F11: variants seen among roughly 807,000 people sequenced by gnomAD.
F11 encodes coagualtion factor XI.
In F11, 78 loss-of-function variants were observed where a neutral mutation model predicts 76.5. The observed-to-expected ratio is 1.02, with a 90% CI of 0.85 to 1.23. The LOEUF (loss-of-function observed/expected upper bound fraction) is 1.23, where lower values mean the gene tolerates loss of function less well. F11 is among the 50% of genes most tolerant of loss of function. The pLI is 0.00. For synonymous variants in F11, 278 were observed against 276.3 expected (o/e 1.01, Z -0.06); for missense variants, 742 against 771.4 (o/e 0.96, Z 0.45).
At chr4:186,282,800 C>T in intron 10 of F11, 3 of 985,388 alleles carry the variant, frequency 3.0e-6, no homozygotes, top group Non-Finnish European at 3.6e-6. Flanking sequence ...CGTGCTCGTT[C>T]TCACCTCAGT....
rs1740707044 is a variant in F11, at chr4:186,280,369, T to A, written c.1012T>A (p.Ser338Thr). Reference sequence around the variant, plus strand: ...TTTTACCTATACCCCAGCCCAAGCATCCTGCAACGAAGGGAAGTAAGCCAT... The same window carrying A: ...TTTTACCTATACCCCAGCCCAAGCAACCTGCAACGAAGGGAAGTAAGCCAT... Reference protein sequence around the residue: ...QFFTYTPAQASCNEGKGKCYL... With the variant: ...QFFTYTPAQATCNEGKGKCYL... The change falls in exon 9 of 15, where the codon TCC (serine) becomes ACC (threonine). Residue 338 changes from serine to threonine, a missense_variant. Physicochemically the swap from Ser to Thr is moderately conservative, Grantham distance 58. Transcript: ENST00000403665. 6.2e-7 allele frequency: 1 copy of A among 1,614,092 alleles called. No individual in the cohort carries two copies. The highest frequency in any genetic ancestry group is 2.2e-5 in the East Asian group (1 of 44,890).
At chr4:186,272,621 GA>G (rs1278097478) in intron 3 of F11, among the ~76,000 whole-genome samples, 1 of 152,182 alleles carries the variant, frequency 6.6e-6, no homozygotes, top group Non-Finnish European at 1.5e-5. Context: ...TACTATTCCA[GA>G]ACCTAGAGCA....
Position 186,284,073 on chromosome 4 carries a change from C to G in F11, c.1136-19C>G. ...AAGGAAGATGTAGGAAGCTGCTCAT[C>G]ACAATGCTTCTGTTGCAGAGTGTAC... On this transcript the variant is annotated intron_variant, in intron 10 of 14. Coordinates refer to ENST00000403665, the MANE Select transcript of F11 (RefSeq NM_000128.4). 1 of 1,614,196 alleles carries G rather than the reference C, an allele frequency of 6.2e-7. No individual in the cohort carries two copies. Among genetic ancestry groups the G allele is most frequent in the South Asian group, 1.1e-5 (1 of 91,082 alleles).
At chr4:186,287,896 TTTTGTTTTTTTTG>T (rs1741329787) in intron 14 of F11, 73 bp downstream of exon 14, 1 of 1,544,212 alleles carries the variant, frequency 6.5e-7, no homozygotes. Context: ...TTTTTGTTTG[TTTTGTTTTTTTTG>T]TTTGTTTTTT....
In F11 at chr4:186,286,492, G is replaced by T; in HGVS notation, c.1558G>T (p.Gly520Trp). 1 of 1,613,840 alleles carries T rather than the reference G, an allele frequency of 6.2e-7. No individual in the cohort carries two copies. The highest frequency in any genetic ancestry group is 8.5e-7 in the Non-Finnish European group (1 of 1,179,846). The change falls in exon 13 of 15, where the codon GGG becomes TGG. Residue 520 changes from glycine to tryptophan, a missense_variant. Transcript: ENST00000403665. Reference protein sequence around the residue: ...IYTDCWVTGWGYRKLRDKIQN... With the variant: ...IYTDCWVTGWWYRKLRDKIQN... ...CACTGATTGCTGGGTGACTGGATGGGGGTACAGAAAACTAAGAGGTAAAAA... is the reference window on the plus strand; with the variant it reads ...CACTGATTGCTGGGTGACTGGATGGTGGTACAGAAAACTAAGAGGTAAAAA...
chr4:186,275,697 T>C, intron 5 of F11, 90 bp from the exon 6 acceptor site: 1 of 953,098 alleles, frequency 1.0e-6, no homozygotes, highest in Non-Finnish European at 1.6e-6. Flanking sequence ...TCGCAGGTCC[T>C]CTCTCCAAAG....
chr4:186,285,516 C>T, intron 11 of F11, 122 bp from the exon 12 acceptor site: 1 of 1,009,090 alleles, frequency 9.9e-7, no homozygotes, highest in Non-Finnish European at 1.5e-6. Flanking sequence ...TCACTTTTTT[C>T]TACCTAAATG....
At position 186,285,709 on chromosome 4, in the gene F11, C is replaced by G. The variant is rs1741154125; in HGVS notation, c.1376C>G (p.Ser459Cys). 1 of 1,614,056 alleles carries G rather than the reference C, an allele frequency of 6.2e-7. No homozygotes were observed. The highest frequency in any genetic ancestry group is 2.2e-5 in the East Asian group (1 of 44,876). Residue 459 changes from serine to cysteine, a missense_variant, in exon 12 of 15, where the codon TCT (serine) becomes TGT (cysteine). Coordinates refer to ENST00000403665, the MANE Select transcript of F11 (RefSeq NM_000128.4). ...CAATCTGAAATAAAAGAGGACACAT[C>G]TTTCTTTGGGGTTCAAGAAATAATA... Reference protein sequence around the residue: ...LNQSEIKEDTSFFGVQEIIIH... With the variant: ...LNQSEIKEDTCFFGVQEIIIH...
chr4:186,275,923 AT>A (rs1182359466), intron 6 of F11, 27 bp downstream of exon 6: 22 of 1,522,358 alleles, frequency 1.4e-5, no homozygotes, highest in Non-Finnish European at 1.9e-5. Flanking sequence ...TGATGATGTA[AT>A]TCAACCATTA....
intron 3 of F11, among the ~76,000 whole-genome samples, chr4:186,271,983 C>T (rs1413252073): frequency 6.6e-6 from 1 of 152,082 alleles, no homozygotes; most frequent in Non-Finnish European, 1.5e-5. Context: ...TTTCCAGCCT[C>T]TCCTATAGTC....
At chr4:186,282,195 C>T (rs1434432847) in intron 10 of F11, 9 of 1,063,170 alleles carry the variant, frequency 8.5e-6, no homozygotes, top group African/African-American at 1.6e-5. Context: ...TTGCAGACTG[C>T]ATTTTCCCCC....
intron 14 of F11, among the ~76,000 whole-genome samples, 185 bp downstream of exon 14, chr4:186,288,008 C>T (rs546784447): frequency 2.0e-5 from 3 of 151,830 alleles, no homozygotes; most frequent in African/African-American, 7.2e-5. Context: ...AGGTTCACGC[C>T]ATTCTCCTGC....
chr4:186,282,849 A>G, intron 10 of F11: 2 of 984,970 alleles, frequency 2.0e-6, no homozygotes, highest in Non-Finnish European at 2.4e-6. Context: ...TCCTTCTCTC[A>G]TCCTCTCCTC....
chr4:186,286,310 A>G, intron 12 of F11, 105 bp from the exon 13 acceptor site: 8 of 1,116,238 alleles, frequency 7.2e-6, no homozygotes, highest in Non-Finnish European at 9.4e-6. Context: ...AAATGAATAT[A>G]GTAAACAAAG....
At chr4:186,274,418 T>G in intron 5 of F11, 143 bp downstream of exon 5, 2 of 1,023,236 alleles carry the variant, frequency 2.0e-6, no homozygotes, top group Admixed American at 4.1e-5. Flanking sequence ...GTTTTCTTCA[T>G]GAAAAATACA....
intron 13 of F11, 183 bp downstream of exon 13, chr4:186,286,693 G>C: frequency 1.0e-6 from 1 of 985,416 alleles, no homozygotes; most frequent in Non-Finnish European, 1.2e-6. Flanking sequence ...TGTTTGATTG[G>C]AAATTTTAAA....
At chr4:186,279,589 A>G (rs1412709811) in intron 7 of F11, among the ~76,000 whole-genome samples, 1 of 152,162 alleles carries the variant, frequency 6.6e-6, no homozygotes, top group Non-Finnish European at 1.5e-5. Flanking sequence ...ACTCTTTTCC[A>G]GGAAGATGCT....
chr4:186,271,513 A>G, intron 2 of F11, 96 bp from the exon 3 acceptor site: 1 of 1,344,856 alleles, frequency 7.4e-7, no homozygotes, highest in Non-Finnish European at 1.1e-6. Flanking sequence ...TTTCCTGGTA[A>G]GTAGAGCTAC....
chr4:186,280,598 T>TG lies in F11; in HGVS notation c.1135+19dup. The TG allele has an allele frequency of 6.4e-7, 1 of 1,552,662 alleles. No individual in the cohort carries two copies. The highest frequency in any genetic ancestry group is 8.9e-7 in the Non-Finnish European group (1 of 1,124,832). On this transcript the variant is annotated intron_variant, in intron 10 of 14. Transcript: ENST00000403665. ...GGATAATGGTGAGTATAATGTCACT[T>TG]GAAAAAATATAGCTGAAGGAATTAT...
Sources: allele counts gnomAD v4.1 joint callset (sites outside exome capture counted in the v4.1 genomes callset), GRCh38; gene constraint gnomAD v4.1.1; transcripts MANE v1.5; gene names NCBI Gene and HGNC (gene_info 2026-07-23, HGNC 2026-07-21).